The following ADD3 variants were observed in gnomAD, a reference collection of about 807,000 sequenced individuals.
ADD3 encodes the protein adducin 3.
In ADD3, 25 loss-of-function variants were observed where a neutral mutation model predicts 80.2. The ratio of observed to expected loss-of-function variants is 0.31; its 90% CI spans 0.23 to 0.44. The LOEUF (loss-of-function observed/expected upper bound fraction) is 0.44, where lower values mean the gene tolerates loss of function less well. ADD3 is among the 20% of genes least tolerant of loss of function. The probability of loss-of-function intolerance (pLI) is 1.00; values close to 1 mark genes in which losing one functional copy is unlikely to be tolerated. For missense variants in ADD3, 829 were observed against 847.5 expected (o/e 0.98, Z 0.27); for synonymous variants, 284 against 289.6 (o/e 0.98, Z 0.20).
At chr10:110,132,499 A>T (rs1457247216) in intron 14 of ADD3, 99 bp downstream of exon 14, 1 of 675,724 alleles carries the variant, frequency 1.5e-6, no homozygotes, top group Admixed American at 2.9e-5. Context: ...ACCTCATCAC[A>T]GTAAGTTTTC....
intron 1 of ADD3, among the ~76,000 whole-genome samples, chr10:110,044,447 A>T (rs1045793153): frequency 4.6e-5 from 7 of 152,228 alleles, no homozygotes; most frequent in Non-Finnish European, 1.0e-4. Context: ...GAGATGAATC[A>T]ACTAGGAACC....
At chr10:110,105,332 G>C (rs12243398) in intron 2 of ADD3, among the ~76,000 whole-genome samples, 19,494 of 151,976 alleles carry the variant, frequency 0.13, 4,007 homozygotes, top group African/African-American at 0.44. Context: ...AAAACGAAGT[G>C]TTCAGGACAA....
upstream of ADD3, among the ~76,000 whole-genome samples, chr10:110,003,306 T>G (rs1043747139): frequency 6.6e-6 from 1 of 150,990 alleles, no homozygotes; most frequent in African/African-American, 2.5e-5. Context: ...AGTAAGGGTG[T>G]GTGTGTGTGT....
chr10:110,051,438 TATA>T (rs1564895085), intron 1 of ADD3, among the ~76,000 whole-genome samples: 1 of 152,230 alleles, frequency 6.6e-6, no homozygotes, highest in East Asian at 1.9e-4. Flanking sequence ...ACAAAATTTA[TATA>T]AATATTTGCA....
chr10:110,106,363 C>G (rs1030701186), intron 2 of ADD3, among the ~76,000 whole-genome samples: 4 of 150,892 alleles, frequency 2.7e-5, no homozygotes, highest in African/African-American at 9.7e-5. Context: ...TTTAAAAAAT[C>G]AAATTGGTTC....
At chr10:110,122,062 A>ACAGT in intron 8 of ADD3, 48 bp from the exon 9 acceptor site, 1 of 1,507,672 alleles carries the variant, frequency 6.6e-7, no homozygotes, top group Non-Finnish European at 9.0e-7. Flanking sequence ...AATACTCATT[A>ACAGT]CAGTCTTTAT....
At position 110,100,704 on chromosome 10, in the gene ADD3, C is replaced by T. The variant is rs1006752741; in HGVS notation, c.51C>T (p.Ser17=). 9.9e-6 allele frequency: 16 copies of T among 1,613,566 alleles called. No individual in the cohort carries two copies. The highest frequency in any genetic ancestry group is 1.7e-5 in the Admixed American group (1 of 59,922). ...QGVITTPPPP[S]MPHKERYFDR... ...TGATTACCACTCCTCCTCCTCCCAG[C>T]ATGCCTCACAAAGAGAGATATTTTG... Residue 17 remains serine, a synonymous_variant, in exon 2 of 15, where the codon AGC becomes AGT. Coordinates refer to ENST00000356080, the MANE Select transcript of ADD3 (RefSeq NM_016824.5).
At chr10:110,094,012 T>C (rs1847862839) in intron 1 of ADD3, among the ~76,000 whole-genome samples, 1 of 152,210 alleles carries the variant, frequency 6.6e-6, no homozygotes, top group South Asian at 2.1e-4. Flanking sequence ...TAATATTTAA[T>C]GATGTACTTA....
intron 2 of ADD3, among the ~76,000 whole-genome samples, chr10:110,110,364 A>G (rs1192352452): frequency 2.6e-5 from 4 of 152,172 alleles, no homozygotes; most frequent in Admixed American, 2.0e-4. Context: ...TCAGTCCACC[A>G]CTGCCACTGT....
chr10:110,098,426 T>G (rs1187290402), intron 1 of ADD3, among the ~76,000 whole-genome samples: 2 of 152,170 alleles, frequency 1.3e-5, no homozygotes, highest in Non-Finnish European at 2.9e-5. Context: ...AAACAGCCCT[T>G]TGTAATATCC....
At chr10:110,043,964 T>C (rs1028570272) in intron 1 of ADD3, among the ~76,000 whole-genome samples, 1 of 152,138 alleles carries the variant, frequency 6.6e-6, no homozygotes, top group African/African-American at 2.4e-5. Flanking sequence ...ATCCCAGCAC[T>C]TTGGGAGGCT....
chr10:110,029,978 G>T (rs1195503334), intron 1 of ADD3, among the ~76,000 whole-genome samples: 1 of 152,030 alleles, frequency 6.6e-6, no homozygotes, highest in African/African-American at 2.4e-5. Flanking sequence ...GTTCTTTCAG[G>T]TTTGTGGAAT....
At chr10:110,015,544 T>G (rs1216572966) in intron 1 of ADD3, among the ~76,000 whole-genome samples, 1 of 151,996 alleles carries the variant, frequency 6.6e-6, no homozygotes, top group African/African-American at 2.4e-5. Context: ...CTCGGCTAAT[T>G]TTTTATATTT....
Position 110,134,040 on chromosome 10 carries a change from CAT to C in ADD3, c.*423_*424del, listed in dbSNP as rs1411942199. 6.5e-6 allele frequency: 1 copy of C among 152,976 alleles called. No individual in the cohort carries two copies. Among genetic ancestry groups the C allele is most frequent in the African/African-American group, 2.4e-5 (1 of 41,406 alleles). The allele number at this position is 152,976 out of a possible 1,614,324, so 9.5% of individuals were successfully genotyped here. A position where few individuals can be genotyped will look rare whatever the true frequency, so the allele number is the denominator to read the frequency against. Reference sequence around the variant, plus strand: ...ATTATTGACTATATTTTTGGAGTCCCATTGTTTCAGTGGGCATTAACAGAATG... The same window carrying C: ...ATTATTGACTATATTTTTGGAGTCCCTGTTTCAGTGGGCATTAACAGAATG... On this transcript the variant is annotated 3_prime_UTR_variant, in exon 15 of 15. Transcript: ENST00000356080.
chr10:110,017,724 T>G (rs969214145), intron 1 of ADD3, among the ~76,000 whole-genome samples: 1 of 152,238 alleles, frequency 6.6e-6, no homozygotes, highest in Non-Finnish European at 1.5e-5. Context: ...ACCAAGTTTT[T>G]GTGCATACCA....
chr10:110,007,483 AG>A (rs1564827805), upstream of ADD3, among the ~76,000 whole-genome samples: 1 of 152,172 alleles, frequency 6.6e-6, no homozygotes, highest in South Asian at 2.1e-4. Context: ...GAGTAGGAGT[AG>A]GGGGCTCGCT....
intron 11 of ADD3, among the ~76,000 whole-genome samples, chr10:110,126,171 A>C (rs1852122216): frequency 6.6e-6 from 1 of 152,214 alleles, no homozygotes; most frequent in African/African-American, 2.4e-5. Flanking sequence ...TGCGTTAGAG[A>C]ACCCTGCTAT....
intron 1 of ADD3, among the ~76,000 whole-genome samples, chr10:110,024,344 G>A (rs1854031457): frequency 6.6e-6 from 1 of 152,114 alleles, no homozygotes; most frequent in African/African-American, 2.4e-5. Context: ...CATAGCGTAA[G>A]CACCTATAAT....
At chr10:110,014,887 T>A (rs898690409) in intron 1 of ADD3, among the ~76,000 whole-genome samples, 6 of 152,156 alleles carry the variant, frequency 3.9e-5, no homozygotes, top group Non-Finnish European at 8.8e-5. Flanking sequence ...GTAGAATTTT[T>A]TTTTTGAGAC....
Sources: gnomAD v4.1 joint callset for allele counts (sites outside exome capture counted in the v4.1 genomes callset) on GRCh38, gnomAD v4.1.1 for gene constraint, MANE v1.5 for transcripts, NCBI Gene and HGNC (gene_info 2026-07-23, HGNC 2026-07-21) for gene names.